The following GPR137C variants were observed in gnomAD, a reference collection of about 807,000 sequenced individuals.
GPR137C encodes integral membrane protein GPR137C.
In GPR137C, 27 loss-of-function variants were observed where a neutral mutation model predicts 43.4. The observed-to-expected ratio is 0.62, with a 90% CI of 0.46 to 0.86. The LOEUF (loss-of-function observed/expected upper bound fraction) is 0.86, where lower values mean the gene tolerates loss of function less well. GPR137C is among the 40% of genes least tolerant of loss of function. The pLI is 0.00. For missense variants in GPR137C, 522 were observed against 534.6 expected (o/e 0.98, Z 0.23); for synonymous variants, 285 against 226.9 (o/e 1.26, Z -2.30).
chr14:52,583,483 C>G (rs952836217), intron 1 of GPR137C, among the ~76,000 whole-genome samples: 1 of 152,068 alleles, frequency 6.6e-6, no homozygotes, highest in African/African-American at 2.4e-5. Context: ...AGCTCAACTC[C>G]CTGTCACACC....
intron 1 of GPR137C, among the ~76,000 whole-genome samples, chr14:52,554,974 T>A (rs937360182): frequency 2.0e-5 from 3 of 152,026 alleles, no homozygotes; most frequent in African/African-American, 7.2e-5. Flanking sequence ...TTATCACAAA[T>A]CAAATGATGC....
At chr14:52,558,218 G>A (rs2038224716) in intron 1 of GPR137C, among the ~76,000 whole-genome samples, 1 of 152,084 alleles carries the variant, frequency 6.6e-6, no homozygotes, top group Non-Finnish European at 1.5e-5. Flanking sequence ...TTTTAATTTT[G>A]TGTGTTGAAG....
At chr14:52,626,204 G>T (rs1479770699) in intron 3 of GPR137C, among the ~76,000 whole-genome samples, 2 of 152,146 alleles carry the variant, frequency 1.3e-5, no homozygotes, top group East Asian at 3.8e-4. Context: ...TCCACAGGAG[G>T]TCTTGGGACC....
intron 3 of GPR137C, among the ~76,000 whole-genome samples, chr14:52,621,148 A>G (rs774884339): frequency 5.4e-4 from 82 of 151,976 alleles, no homozygotes; most frequent in Non-Finnish European, 8.4e-4. Context: ...AAGAATAAGA[A>G]AATCTTGAAA....
chr14:52,584,668 G>A (rs1459180027), intron 1 of GPR137C, among the ~76,000 whole-genome samples: 1 of 152,176 alleles, frequency 6.6e-6, no homozygotes, highest in Non-Finnish European at 1.5e-5. Flanking sequence ...CTGGAGTGCA[G>A]TAGCGCAATC....
Position 52,629,853 on chromosome 14 carries a change from A to G in GPR137C, c.718-2307A>G, listed in dbSNP as rs146506377. On this transcript the variant is annotated intron_variant, in intron 3 of 6. Coordinates refer to ENST00000321662, the MANE Select transcript of GPR137C (RefSeq NM_001099652.2). ...TATCTGTAAACACTATTGAACTCCAATGTTATGGATACTGAGGTGTTTAGG... is the reference window on the plus strand; with the variant it reads ...TATCTGTAAACACTATTGAACTCCAGTGTTATGGATACTGAGGTGTTTAGG... Among the ~76,000 whole-genome samples the G allele has an allele frequency of 3.3e-3, 505 of 152,288 alleles. 5 individuals are homozygous for G. Among genetic ancestry groups the G allele is most frequent in the African/African-American group, 0.012 (482 of 41,564 alleles).
chr14:52,619,202 C>T (rs1277439299), intron 3 of GPR137C, among the ~76,000 whole-genome samples: 1 of 152,074 alleles, frequency 6.6e-6, no homozygotes, highest in South Asian at 2.1e-4. Context: ...TACAAGGCAA[C>T]TAATTCTATA....
At chr14:52,586,820 G>C (rs1389394589) in intron 1 of GPR137C, among the ~76,000 whole-genome samples, 1 of 152,098 alleles carries the variant, frequency 6.6e-6, no homozygotes. Flanking sequence ...TGGCTTTTAA[G>C]TTTTTTGTCA....
At chr14:52,570,129 A>G (rs951237635) in intron 1 of GPR137C, among the ~76,000 whole-genome samples, 1 of 152,236 alleles carries the variant, frequency 6.6e-6, no homozygotes, top group Non-Finnish European at 1.5e-5. Flanking sequence ...GAAGCCCATC[A>G]GACTAACAGC....
In GPR137C at chr14:52,600,283, T is replaced by C; in HGVS notation, c.659T>C (p.Val220Ala). ...SLFILCAISL[V>A]CYICKITKMS... is the part of the protein sequence containing the mutation. ...TTTATTCTTTGTGCCATCTCTTTAG[T>C]GTGTTACATATGCAAAATTACAAAA... Residue 220 changes from valine to alanine, a missense_variant, in exon 3 of 7, where the codon GTG becomes GCG. This residue lies in a region of GPR137C where 437 missense variants were observed against 425.7 expected (regional missense o/e 1.03). Transcript: ENST00000321662. 1 of 1,613,394 alleles carries C rather than the reference T, an allele frequency of 6.2e-7. No homozygotes were observed. Among genetic ancestry groups the C allele is most frequent in the East Asian group, 2.2e-5 (1 of 44,854 alleles).
At chr14:52,632,001 A>C (rs1032493991) in intron 3 of GPR137C, among the ~76,000 whole-genome samples, 159 bp from the exon 4 acceptor site, 2 of 152,026 alleles carry the variant, frequency 1.3e-5, no homozygotes, top group Non-Finnish European at 2.9e-5. Flanking sequence ...CAGTTCTAGG[A>C]ATAGGAATTG....
At chr14:52,571,691 C>A (rs1412911236) in intron 1 of GPR137C, among the ~76,000 whole-genome samples, 1 of 151,794 alleles carries the variant, frequency 6.6e-6, no homozygotes, top group Non-Finnish European at 1.5e-5. Context: ...AACAAAAGAT[C>A]CAGAGAAGCA....
At chr14:52,627,584 C>A (rs1182956428) in intron 3 of GPR137C, among the ~76,000 whole-genome samples, 2 of 152,008 alleles carry the variant, frequency 1.3e-5, no homozygotes, top group Non-Finnish European at 1.5e-5. Context: ...CGGTGGCTCA[C>A]GTCTGTAATC....
intron 1 of GPR137C, among the ~76,000 whole-genome samples, chr14:52,566,214 A>G (rs1445290777): frequency 1.3e-5 from 2 of 152,196 alleles, no homozygotes; most frequent in Admixed American, 6.5e-5. Context: ...CAAAAACTCA[A>G]TTACAGCTAC....
At chr14:52,628,653 A>G (rs980885017) in intron 3 of GPR137C, among the ~76,000 whole-genome samples, 1 of 151,974 alleles carries the variant, frequency 6.6e-6, no homozygotes, top group South Asian at 2.1e-4. Flanking sequence ...AAAATTTGCC[A>G]GGTGTGGTGG....
intron 1 of GPR137C, among the ~76,000 whole-genome samples, chr14:52,577,516 G>GCGCACACA (rs369713179): frequency 2.0e-4 from 29 of 145,506 alleles, no homozygotes; most frequent in African/African-American, 6.3e-4. Context: ...GCGCGCGCGC[G>GCGCACACA]CACACACACA....
intron 1 of GPR137C, among the ~76,000 whole-genome samples, chr14:52,579,645 G>A (rs2038615154): frequency 6.6e-6 from 1 of 152,172 alleles, no homozygotes. Context: ...ACAGTGAAAG[G>A]ACGTAGAGTC....
chr14:52,609,548 C>T lies in GPR137C; in HGVS notation c.717+9207C>T, dbSNP rs537919266. 2.6e-5 allele frequency among the ~76,000 whole-genome samples: 4 copies of T among 152,332 alleles called. No individual in the cohort carries two copies. In the South Asian group the frequency reaches 6.2e-4, roughly 24 times the overall value. ...TCTGGCTTTGTTTATGCCTGGCCTT[C>T]TTCAGAGGGCCTTCCAGGGATTCTA... On this transcript the variant is annotated intron_variant, in intron 3 of 6. Transcript: ENST00000321662.
At chr14:52,589,621 T>C (rs929095120) in intron 1 of GPR137C, among the ~76,000 whole-genome samples, 8 of 152,174 alleles carry the variant, frequency 5.3e-5, no homozygotes, top group African/African-American at 1.9e-4. Context: ...TATTTTAGAC[T>C]CCTTCATTAC....
Sources: gnomAD v4.1 joint callset for allele counts (sites outside exome capture counted in the v4.1 genomes callset) on GRCh38, gnomAD v4.1.1 for gene constraint, gnomAD v4.1.1 regional missense constraint, MANE v1.5 for transcripts, NCBI Gene and HGNC (gene_info 2026-07-23, HGNC 2026-07-21) for gene names.